Variants in SNAP47 observed in about 807,000 individuals in gnomAD.
SNAP47 encodes synaptosomal-associated protein 47.
SNAP47 carries 20 observed loss-of-function variants against 31.4 expected under a neutral mutation model. The ratio of observed to expected loss-of-function variants is 0.64; its 90% CI spans 0.45 to 0.93. The LOEUF (loss-of-function observed/expected upper bound fraction) is 0.93, where lower values mean the gene tolerates loss of function less well. Ranked by LOEUF, SNAP47 falls within the 40% of genes least tolerant of loss-of-function variation. SNAP47 has a pLI of 0.00. For missense variants in SNAP47, 492 were observed against 528.5 expected, an observed-to-expected ratio of 0.93 and a Z score of 0.68; for synonymous variants, 194 against 213.4, an observed-to-expected ratio of 0.91 and a Z score of 0.79.
intron 2 of SNAP47, among the ~76,000 whole-genome samples, chr1:227,754,678 G>A (rs971628359): frequency 6.6e-6 from 1 of 152,194 alleles, no homozygotes; most frequent in Non-Finnish European, 1.5e-5. Flanking sequence ...TCACCTCACG[G>A]CACTGTGATC....
intron 4 of SNAP47, among the ~76,000 whole-genome samples, chr1:227,769,169 T>G (rs1663631429): frequency 6.6e-6 from 1 of 152,166 alleles, no homozygotes; most frequent in Non-Finnish European, 1.5e-5. Flanking sequence ...TGGGGCTGCA[T>G]GGGCACTGCC....
chr1:227,753,903 C>T (rs1662532464), intron 2 of SNAP47, among the ~76,000 whole-genome samples: 1 of 152,078 alleles, frequency 6.6e-6, no homozygotes, highest in African/African-American at 2.4e-5. Flanking sequence ...CCTGGAGCCC[C>T]AGTGGGTGTG....
chr1:227,758,812 C>T (rs1251814420), intron 2 of SNAP47, among the ~76,000 whole-genome samples, 183 bp from the exon 3 acceptor site: 1 of 152,050 alleles, frequency 6.6e-6, no homozygotes, highest in Non-Finnish European at 1.5e-5. Context: ...TGGCCCCCAG[C>T]TTTCTCTTCT....
Position 227,780,683 on chromosome 1 carries a change from G to A in SNAP47, c.*10G>A, listed in dbSNP as rs751045480. 19 of 1,613,824 alleles carry A rather than the reference G, an allele frequency of 1.2e-5. No individual in the cohort carries two copies. Among genetic ancestry groups the A allele is most frequent in the Middle Eastern group, 1.6e-4 (1 of 6,084 alleles). On this transcript the variant is annotated 3_prime_UTR_variant, in exon 5 of 5. Transcript: ENST00000617596. ...GAAGAGGCTGACCTAGGGGCAGAAC[G>A]TCCCTGCATTCCTGTCTCACCCTGC...
Position 227,753,200 on chromosome 1 carries a change from G to T in SNAP47, c.497+4967G>T, listed in dbSNP as rs371151641. Among the ~76,000 whole-genome samples, 99 of 152,358 alleles carry T rather than the reference G, an allele frequency of 6.5e-4. 2 individuals are homozygous for T. The South Asian group carries it at 0.02, about 31-fold the overall frequency. On this transcript the variant is annotated intron_variant, in intron 2 of 4. Coordinates refer to ENST00000617596, the MANE Select transcript of SNAP47 (RefSeq NM_053052.4). Reference sequence around the variant, plus strand: ...CTTGGCTATAGTGAAGCATGCTGCAGTGAACTTGGGAGTGCCGGTGTCACT... The same window carrying T: ...CTTGGCTATAGTGAAGCATGCTGCATTGAACTTGGGAGTGCCGGTGTCACT...
intron 1 of SNAP47, among the ~76,000 whole-genome samples, chr1:227,742,182 GC>G (rs372227488): frequency 5.9e-4 from 90 of 151,854 alleles, no homozygotes; most frequent in Non-Finnish European, 1.0e-3. Context: ...CCTCCCCCCT[GC>G]CCCTAGCCCA....
intron 3 of SNAP47, among the ~76,000 whole-genome samples, chr1:227,765,677 G>A (rs1246397064): frequency 1.3e-5 from 2 of 152,200 alleles, no homozygotes; most frequent in South Asian, 2.1e-4. Context: ...AATCTGTCCC[G>A]CTGGTGCTAT....
chr1:227,776,077 G>A (rs1664141574), intron 4 of SNAP47: 3 of 1,185,072 alleles, frequency 2.5e-6, no homozygotes, highest in African/African-American at 1.6e-5. Flanking sequence ...TGTTCAGGTT[G>A]TGCCTCTTGC....
intron 4 of SNAP47, among the ~76,000 whole-genome samples, chr1:227,774,177 C>G (rs368654642): frequency 1.3e-5 from 2 of 152,334 alleles, no homozygotes; most frequent in African/African-American, 2.4e-5. Context: ...GTGGAGCTCT[C>G]TGCACTGGTC....
Position 227,762,884 on chromosome 1 carries a change from G to C in SNAP47, c.988+3399G>C, listed in dbSNP as rs1237917055. Reference sequence around the variant, plus strand: ...GTCGGCCTGGGCTGTGGTTTGGGAGGAAGGCCACAGGGTGAGGTTTCCTTC... The same window carrying C: ...GTCGGCCTGGGCTGTGGTTTGGGAGCAAGGCCACAGGGTGAGGTTTCCTTC... On this transcript the variant is annotated intron_variant, in intron 3 of 4. Transcript: ENST00000617596. This position sits in a 1 kb window ranked among gnomAD's most constrained non-coding sequence, Gnocchi z 4.2. Among the ~76,000 whole-genome samples the C allele has an allele frequency of 6.6e-6, 1 of 152,060 alleles. No homozygotes were observed. Among genetic ancestry groups the C allele is most frequent in the African/African-American group, 2.4e-5 (1 of 41,402 alleles).
upstream of SNAP47, chr1:227,734,757 C>G (rs138383272): frequency 1.1e-5 from 18 of 1,614,074 alleles, no homozygotes; most frequent in Non-Finnish European, 1.4e-5. Context: ...GTCATGTGCT[C>G]TTTGGGGTTC....
upstream of SNAP47, chr1:227,733,605 A>G: frequency 6.2e-7 from 1 of 1,606,132 alleles, no homozygotes; most frequent in Non-Finnish European, 8.5e-7. Context: ...CCTGGGGGGA[A>G]GAGGAGCCAC....
At chr1:227,774,060 A>C (rs1261178108) in intron 4 of SNAP47, among the ~76,000 whole-genome samples, 1 of 152,108 alleles carries the variant, frequency 6.6e-6, no homozygotes, top group Non-Finnish European at 1.5e-5. Context: ...CTGTGGATCC[A>C]TCTCTCTAGG....
At chr1:227,734,696 G>A (rs1201481134), upstream of SNAP47, 2 of 1,614,032 alleles carry the variant, frequency 1.2e-6, no homozygotes, top group Non-Finnish European at 1.7e-6. Context: ...CCTGGGAGAG[G>A]AGTAGCCCGC....
chr1:227,749,385 T>C (rs1662195024), intron 2 of SNAP47, among the ~76,000 whole-genome samples: 1 of 152,138 alleles, frequency 6.6e-6, no homozygotes, highest in African/African-American at 2.4e-5. Context: ...GTCCCTCTTC[T>C]GGGATCCGGG....
chr1:227,759,283 AC>A lies in SNAP47; in HGVS notation c.788del (p.Pro263LeufsTer20). 1 of 1,614,248 alleles carries A rather than the reference AC, an allele frequency of 6.2e-7. No homozygotes were observed. The highest frequency in any genetic ancestry group is 1.3e-5 in the African/African-American group (1 of 75,076). On this transcript the variant is annotated frameshift_variant, in exon 3 of 5. Transcript: ENST00000617596. LOFTEE classifies it high-confidence loss of function. The stretch of plus-strand genomic sequence containing the variant: ...ACGTGGACGACATCAAGGTCCACTC[AC>A]CTTACGAAATTAGCATCCGCCAGCG... ...EDVDDIKVHSPYEISIRQRFI... is the reference protein window; with the variant it reads ...EDVDDIKVHSXYEISIRQRFI...
chr1:227,751,850 G>A lies in SNAP47; in HGVS notation c.497+3617G>A, dbSNP rs542386192. On this transcript the variant is annotated intron_variant, in intron 2 of 4. Transcript: ENST00000617596. The stretch of plus-strand genomic sequence containing the variant: ...GCGATCTCTGCTCACTGCAAACTCC[G>A]CCTCCCGGGTTCCTGCCATTCTCCT... Among the ~76,000 whole-genome samples the A allele has an allele frequency of 1.1e-4, 14 of 127,432 alleles. No individual in the cohort carries two copies. In the East Asian group the frequency reaches 1.3e-3, roughly 12 times the overall value. The allele number at this position is 127,432 out of a possible 152,430, so 83.6% of individuals were successfully genotyped here.
At chr1:227,750,278 GT>G (rs1425407338) in intron 2 of SNAP47, among the ~76,000 whole-genome samples, 1 of 152,236 alleles carries the variant, frequency 6.6e-6, no homozygotes, top group East Asian at 1.9e-4. Flanking sequence ...CCCACGGACA[GT>G]TGCAGGCCGA....
At chr1:227,732,933 T>C (rs1169783433), upstream of SNAP47, 3 of 1,613,022 alleles carry the variant, frequency 1.9e-6, no homozygotes, top group Non-Finnish European at 2.5e-6. Context: ...GCTGACCTCC[T>C]CCTGCACGGC....
Sources: allele counts gnomAD v4.1 joint callset (sites outside exome capture counted in the v4.1 genomes callset), GRCh38; gene constraint gnomAD v4.1.1; non-coding constraint Gnocchi (gnomAD v3.1); transcripts MANE v1.5; gene names NCBI Gene and HGNC (gene_info 2026-07-23, HGNC 2026-07-21).